DIS3L2: variants seen among roughly 807,000 people sequenced by gnomAD.
The protein encoded by DIS3L2 is DIS3-like exonuclease 2.
In DIS3L2, 34 loss-of-function variants were observed where a neutral mutation model predicts 97.5. The observed-to-expected ratio is 0.35, with a 90% CI of 0.27 to 0.46. The LOEUF is 0.46. Ranked by LOEUF, DIS3L2 falls within the 20% of genes least tolerant of loss-of-function variation. The probability of loss-of-function intolerance (pLI) is 1.00; values close to 1 mark genes in which losing one functional copy is unlikely to be tolerated. For missense variants in DIS3L2, 1,038 were observed against 1,146.0 expected, an observed-to-expected ratio of 0.91 and a Z score of 1.36; for synonymous variants, 435 against 445.2, an observed-to-expected ratio of 0.98 and a Z score of 0.29.
At chr2:232,177,052 G>A (rs960310538) in intron 9 of DIS3L2, among the ~76,000 whole-genome samples, 15 of 145,792 alleles carry the variant, frequency 1.0e-4, no homozygotes, top group Admixed American at 7.0e-4. Flanking sequence ...GAGAATATGC[G>A]GTGTTTGGTT....
chr2:232,121,265 C>T (rs1195595844), intron 6 of DIS3L2, among the ~76,000 whole-genome samples: 1 of 152,210 alleles, frequency 6.6e-6, no homozygotes, highest in Non-Finnish European at 1.5e-5. Context: ...TACTTTCTTT[C>T]TTTGTCTTCT....
chr2:232,220,176 A>T (rs979245531), intron 10 of DIS3L2, among the ~76,000 whole-genome samples: 1 of 151,896 alleles, frequency 6.6e-6, no homozygotes, highest in Non-Finnish European at 1.5e-5. Flanking sequence ...GGGCATAGTG[A>T]TGTGCGTCTG....
At chr2:232,262,966 G>A (rs72998115) in intron 12 of DIS3L2, among the ~76,000 whole-genome samples, 1,827 of 152,248 alleles carry the variant, frequency 0.012, 17 homozygotes, top group Non-Finnish European at 0.018. Flanking sequence ...CTTGGGGACC[G>A]TCCATAGGTG....
At chr2:232,044,872 C>T (rs555626872) in intron 5 of DIS3L2, among the ~76,000 whole-genome samples, 4 of 152,188 alleles carry the variant, frequency 2.6e-5, no homozygotes, top group South Asian at 2.1e-4. Flanking sequence ...CCTCGTGATC[C>T]GCCTGCCTCA....
chr2:232,256,806 AT>A (rs962127265), intron 12 of DIS3L2, among the ~76,000 whole-genome samples: 5 of 152,108 alleles, frequency 3.3e-5, no homozygotes, highest in African/African-American at 1.2e-4. Flanking sequence ...TTTCTAAAAT[AT>A]AAATGAATGA....
At chr2:232,196,245 C>T (rs1442745794) in intron 9 of DIS3L2, among the ~76,000 whole-genome samples, 4 of 152,138 alleles carry the variant, frequency 2.6e-5, no homozygotes, top group Non-Finnish European at 4.4e-5. Context: ...GGATTACAGG[C>T]GTGAACCAAT....
At chr2:232,249,101 CAG>C (rs1693345687) in intron 11 of DIS3L2, 136 bp from the exon 12 acceptor site, 2 of 719,872 alleles carry the variant, frequency 2.8e-6, no homozygotes, top group African/African-American at 3.5e-5. Flanking sequence ...GGTCTTTCTG[CAG>C]AGTCTTTGGG....
At chr2:232,193,984 CCTGTAGTCCCAG>C (rs1157365707) in intron 9 of DIS3L2, among the ~76,000 whole-genome samples, 5 of 152,094 alleles carry the variant, frequency 3.3e-5, no homozygotes, top group African/African-American at 1.2e-4. Flanking sequence ...GTGGTGCTCG[CCTGTAGTCCCAG>C]CTACTTGGGA....
chr2:232,256,148 C>T (rs958370378), intron 12 of DIS3L2, among the ~76,000 whole-genome samples: 9 of 152,350 alleles, frequency 5.9e-5, no homozygotes, highest in African/African-American at 1.7e-4. Context: ...AAAGATAAAA[C>T]GCCCCCTTAC....
chr2:232,343,589 A>AT (rs747833258), exon 14 of DIS3L2: 25 of 1,575,462 alleles, frequency 1.6e-5, no homozygotes, highest in Non-Finnish European at 2.1e-5. Context: ...AGCATGTGGA[A>AT]TTCCTTGTGG....
intron 11 of DIS3L2, among the ~76,000 whole-genome samples, chr2:232,240,180 C>G (rs749412017): frequency 6.6e-6 from 1 of 152,220 alleles, no homozygotes; most frequent in East Asian, 1.9e-4. Context: ...CTGGCACCTC[C>G]TCTCCCCTGC....
chr2:231,963,811 C>T (rs1004400292), intron 1 of DIS3L2, among the ~76,000 whole-genome samples: 9 of 152,152 alleles, frequency 5.9e-5, no homozygotes, highest in African/African-American at 1.9e-4. Context: ...CTCGATTTCC[C>T]AGGCTCAAGT....
At chr2:232,122,698 A>G (rs773374884) in intron 6 of DIS3L2, among the ~76,000 whole-genome samples, 10 of 152,088 alleles carry the variant, frequency 6.6e-5, no homozygotes, top group Admixed American at 2.0e-4. Context: ...AGCCTGGTCG[A>G]CAGAGCAAGA....
chr2:232,119,325 A>G (rs1372573524), intron 6 of DIS3L2, among the ~76,000 whole-genome samples: 1 of 152,184 alleles, frequency 6.6e-6, no homozygotes, highest in African/African-American at 2.4e-5. Context: ...TCCTTAGAAG[A>G]CGGGTAGAGA....
At chr2:232,252,759 G>C (rs1693452938) in intron 12 of DIS3L2, among the ~76,000 whole-genome samples, 3 of 152,132 alleles carry the variant, frequency 2.0e-5, no homozygotes. Context: ...AAATTAGCCA[G>C]ATGTGGTGGC....
chr2:232,289,090 G>T (rs1227332915), intron 13 of DIS3L2, among the ~76,000 whole-genome samples: 1 of 151,946 alleles, frequency 6.6e-6, no homozygotes, highest in Non-Finnish European at 1.5e-5. Flanking sequence ...AGTTTACAAG[G>T]TTATCTCTTA....
At chr2:232,082,467 G>C (rs933230580) in intron 5 of DIS3L2, among the ~76,000 whole-genome samples, 4 of 152,122 alleles carry the variant, frequency 2.6e-5, no homozygotes, top group Non-Finnish European at 4.4e-5. Context: ...TCTCGTAGGA[G>C]CATGAACTCT....
Position 232,090,352 on chromosome 2 carries a change from T to C in DIS3L2, c.601+2631T>C, listed in dbSNP as rs113347242. Among the ~76,000 whole-genome samples, 21 of 152,278 alleles carry C rather than the reference T, an allele frequency of 1.4e-4. 2 individuals carry two copies. Among genetic ancestry groups the C allele is most frequent in the African/African-American group, 5.1e-4 (21 of 41,554 alleles). On this transcript the variant is annotated intron_variant, in intron 6 of 20. Coordinates refer to ENST00000325385, the MANE Select transcript of DIS3L2 (RefSeq NM_152383.5). ...CCCACTGTTATTTATATTACTTCCT[T>C]AGTAGCCCTGACTGAGGGAACAACC... is the stretch of plus-strand genomic sequence containing the variant.
At chr2:231,964,569 C>T (rs72985629) in intron 1 of DIS3L2, among the ~76,000 whole-genome samples, 1,736 of 152,152 alleles carry the variant, frequency 0.011, 19 homozygotes, top group Non-Finnish European at 0.016. Context: ...GGTTGGATAA[C>T]GACTTTATTT....
Sources: allele counts gnomAD v4.1 joint callset (sites outside exome capture counted in the v4.1 genomes callset), GRCh38; gene constraint gnomAD v4.1.1; transcripts MANE v1.5; gene names NCBI Gene and HGNC (gene_info 2026-07-23, HGNC 2026-07-21).